DLG1: variants seen among roughly 807,000 people sequenced by gnomAD.
DLG1 encodes disks large homolog 1.
In DLG1, 42 loss-of-function variants were observed where a neutral mutation model predicts 123.4. The ratio of observed to expected loss-of-function variants is 0.34; its 90% confidence interval spans 0.27 to 0.44. DLG1 has a LOEUF of 0.44. DLG1 is among the 20% of genes least tolerant of loss of function. The probability of loss-of-function intolerance (pLI) is 1.00; values close to 1 mark genes in which losing one functional copy is unlikely to be tolerated. For synonymous variants in DLG1, 317 were observed against 356.2 expected (o/e 0.89, Z 1.24); for missense variants, 942 against 1,082.6 (o/e 0.87, Z 1.82).
intron 3 of DLG1, among the ~76,000 whole-genome samples, chr3:197,288,377 A>G (rs1321085585): frequency 1.3e-5 from 2 of 150,508 alleles, no homozygotes; most frequent in Non-Finnish European, 1.5e-5. Flanking sequence ...AAAAAAAAAA[A>G]AAAAAGAAAA....
At chr3:197,094,981 T>G (rs1040713128) in intron 14 of DLG1, among the ~76,000 whole-genome samples, 31 of 152,214 alleles carry the variant, frequency 2.0e-4, no homozygotes, top group African/African-American at 6.3e-4. Context: ...TTTTTTAATT[T>G]TAGAAAAGAT....
chr3:197,229,875 C>A (rs532729622), intron 4 of DLG1, among the ~76,000 whole-genome samples: 2 of 152,134 alleles, frequency 1.3e-5, no homozygotes, highest in African/African-American at 4.8e-5. Flanking sequence ...CTACCTCTTA[C>A]GAGGTAAAAA....
At chr3:197,281,131 A>G (rs9849132) in intron 4 of DLG1, among the ~76,000 whole-genome samples, 113,840 of 151,330 alleles carry the variant, frequency 0.75, 42,821 homozygotes, top group East Asian at 0.82. Context: ...TCCGCCTCCC[A>G]GGTTCAAGCA....
chr3:197,294,473 C>T (rs1030628735), intron 3 of DLG1, among the ~76,000 whole-genome samples: 7 of 151,954 alleles, frequency 4.6e-5, no homozygotes, highest in Non-Finnish European at 7.4e-5. Flanking sequence ...AGTGAAACCC[C>T]GTCTTTACTA....
chr3:197,152,914 T>A (rs1156703670), intron 5 of DLG1, among the ~76,000 whole-genome samples: 2 of 152,174 alleles, frequency 1.3e-5, no homozygotes, highest in African/African-American at 4.8e-5. Context: ...AGGGCAATAT[T>A]ACATTTTTAA....
intron 4 of DLG1, among the ~76,000 whole-genome samples, chr3:197,221,512 G>A (rs1578258654): frequency 2.0e-5 from 3 of 151,318 alleles, no homozygotes; most frequent in African/African-American, 4.9e-5. Context: ...GTGACAGAGT[G>A]AGACTCCATC....
intron 12 of DLG1, among the ~76,000 whole-genome samples, chr3:197,117,117 G>A (rs1773725309): frequency 6.6e-6 from 1 of 152,034 alleles, no homozygotes; most frequent in South Asian, 2.1e-4. Context: ...TAGGGAAAGA[G>A]ATATAAAAAT....
Position 197,183,624 on chromosome 3 carries a change from C to T in DLG1, c.483+10801G>A, listed in dbSNP as rs988804658. 5 of 1,550,410 alleles carry T rather than the reference C, an allele frequency of 3.2e-6. No individual in the cohort carries two copies. In the Admixed American group the frequency reaches 5.9e-5, roughly 18 times the overall value. On this transcript the variant is annotated intron_variant, in intron 5 of 24. Coordinates refer to ENST00000667157, the MANE Select transcript of DLG1 (RefSeq NM_001366207.1). Reference sequence around the variant, plus strand: ...GATGCAGTCAATAAAGCTGTGTCTTCGAGTGAAAAATGCAACTATCTGCTG... The same window carrying T: ...GATGCAGTCAATAAAGCTGTGTCTTTGAGTGAAAAATGCAACTATCTGCTG...
chr3:197,076,248 CT>C (rs1355305467), intron 18 of DLG1, among the ~76,000 whole-genome samples: 2 of 152,184 alleles, frequency 1.3e-5, no homozygotes, highest in African/African-American at 4.8e-5. Flanking sequence ...CAGGTAGCTT[CT>C]CATGTATTCA....
At chr3:197,202,378 G>A (rs1726241241) in intron 4 of DLG1, among the ~76,000 whole-genome samples, 1 of 152,008 alleles carries the variant, frequency 6.6e-6, no homozygotes, top group African/African-American at 2.4e-5. Flanking sequence ...GTTTTGGAAG[G>A]AAAAAAAGCA....
At chr3:197,297,957 G>T (rs893432122) in intron 1 of DLG1, 39 of 979,874 alleles carry the variant, frequency 4.0e-5, no homozygotes, top group African/African-American at 1.2e-4. Context: ...GCTCCCCTGG[G>T]CCGCCGCACC....
At chr3:197,288,743 A>AACATACATACATACATAC (rs1553827364) in intron 3 of DLG1, among the ~76,000 whole-genome samples, 14 of 72,078 alleles carry the variant, frequency 1.9e-4, no homozygotes, top group Admixed American at 1.7e-3. Context: ...AAAAAAAAAA[A>AACATACATACATACATAC]ATACATACAT....
At chr3:197,235,486 T>C (rs549139978) in intron 4 of DLG1, among the ~76,000 whole-genome samples, 8 of 152,260 alleles carry the variant, frequency 5.3e-5, no homozygotes, top group African/African-American at 1.7e-4. Context: ...TTCAAACTTA[T>C]ACAGAGCAGA....
In DLG1 at chr3:197,069,279, G is replaced by GA. The variant is rs544930540; in HGVS notation, c.2006-20dup. ...ACATGCTCTGAAATTGCAGGACAAT[G>GA]AAAAAAAATAAAACAGTGTCATGAG... On this transcript the variant is annotated intron_variant, in intron 18 of 24. Coordinates refer to ENST00000667157, the MANE Select transcript of DLG1 (RefSeq NM_001366207.1). The GA allele has an allele frequency of 6.0e-5, 93 of 1,558,168 alleles. No individual in the cohort carries two copies. The highest frequency in any genetic ancestry group is 1.1e-4 in the Admixed American group (6 of 54,664).
chr3:197,103,764 A>G (rs1250877562), intron 14 of DLG1, among the ~76,000 whole-genome samples: 1 of 151,022 alleles, frequency 6.6e-6, no homozygotes, highest in Non-Finnish European at 1.5e-5. Context: ...ATTCTGCTTC[A>G]AAAAAGAATA....
At position 197,141,783 on chromosome 3, in the gene DLG1, C is replaced by T. The variant is rs6767006; in HGVS notation, c.588+935G>A. Among the ~76,000 whole-genome samples, 274 of 152,184 alleles carry T rather than the reference C, an allele frequency of 1.8e-3. 2 individuals are homozygous for T. The highest frequency in any genetic ancestry group is 6.1e-3 in the African/African-American group (252 of 41,520). On this transcript the variant is annotated intron_variant, in intron 7 of 24. Transcript: ENST00000667157. The stretch of plus-strand genomic sequence containing the variant: ...TGTCACCCAGGCTAGAGTGCGATCT[C>T]GGCTCACTGCAACCTCTGACTCCTG...
Position 197,297,218 on chromosome 3 carries a change from C to A in DLG1, c.-14G>T, listed in dbSNP as rs80060123. ...CCGGACCGGCATTTTTCTCCAGAATCAGGAAGAGGGCACACACCTTTAAAA... is the reference window on the plus strand; with the variant it reads ...CCGGACCGGCATTTTTCTCCAGAATAAGGAAGAGGGCACACACCTTTAAAA... On this transcript the variant is annotated 5_prime_UTR_variant, in exon 2 of 25. Transcript: ENST00000667157. 406 of 1,614,050 alleles carry A rather than the reference C, an allele frequency of 2.5e-4. No individual in the cohort carries two copies. Among genetic ancestry groups the A allele is most frequent in the Admixed American group, 3.5e-4 (21 of 60,026 alleles).
intron 23 of DLG1, among the ~76,000 whole-genome samples, chr3:197,053,609 T>G (rs1299523011): frequency 6.6e-6 from 1 of 150,980 alleles, no homozygotes; most frequent in Non-Finnish European, 1.5e-5. Flanking sequence ...CCGTCTCCAC[T>G]AAGAATACAA....
intron 4 of DLG1, among the ~76,000 whole-genome samples, chr3:197,198,203 A>C (rs1285000139): frequency 1.3e-5 from 2 of 152,208 alleles, no homozygotes; most frequent in African/African-American, 4.8e-5. Context: ...AAGATGACCC[A>C]AAGGGGCCAG....
Sources: gnomAD v4.1 joint callset for allele counts (sites outside exome capture counted in the v4.1 genomes callset) on GRCh38, gnomAD v4.1.1 for gene constraint, MANE v1.5 for transcripts, NCBI Gene and HGNC (gene_info 2026-07-23, HGNC 2026-07-21) for gene names.